The following SEPSECS variants were observed in gnomAD, a reference collection of about 807,000 sequenced individuals.
SEPSECS encodes the protein O-phosphoseryl-tRNA(Sec) selenium transferase.
Under a neutral mutation model 52.1 loss-of-function variants are expected in SEPSECS, and 42 were observed. The ratio of observed to expected loss-of-function variants is 0.81; its 90% CI spans 0.63 to 1.04. The LOEUF is 1.04. Among genes scored for constraint, SEPSECS ranks in the 50% least tolerant of loss-of-function variants. The pLI, the probability that SEPSECS is intolerant of heterozygous loss-of-function variation, is 0.00. For synonymous variants in SEPSECS, 216 were observed against 211.4 expected (o/e 1.02, Z -0.19); for missense variants, 590 against 610.6 (o/e 0.97, Z 0.36).
chr4:25,160,507 A>C, upstream of SEPSECS: 39 of 644,292 alleles, frequency 6.1e-5, no homozygotes, highest in Middle Eastern at 2.6e-4. Context: ...ACAAAACAAA[A>C]CAAAAAAAAC....
intron 9 of SEPSECS, 115 bp from the exon 10 acceptor site, chr4:25,125,899 A>G: frequency 1.4e-6 from 1 of 730,662 alleles, no homozygotes; most frequent in South Asian, 1.5e-5. Context: ...AAGTGGCACA[A>G]TTTCACTTTA....
intron 6 of SEPSECS, among the ~76,000 whole-genome samples, 173 bp from the exon 7 acceptor site, chr4:25,145,306 A>G (rs1168186699): frequency 6.6e-6 from 1 of 152,230 alleles, no homozygotes; most frequent in Non-Finnish European, 1.5e-5. Context: ...CACTGTAAAT[A>G]TATACAATTT....
At chr4:25,129,648 C>T (rs1166798876) in intron 8 of SEPSECS, among the ~76,000 whole-genome samples, 2 of 151,906 alleles carry the variant, frequency 1.3e-5, no homozygotes, top group African/African-American at 4.8e-5. Flanking sequence ...GCCTCGGCCT[C>T]CCAAAGTGCT....
At position 25,143,474 on chromosome 4, in the gene SEPSECS, T is replaced by C. The variant is rs148698619; in HGVS notation, c.1026+1300A>G. Reference sequence around the variant, plus strand: ...TGAGTCTGACTTCTTTCATTTAGCATAATGCATTTGAGAGTCATTATCTTG... The same window carrying C: ...TGAGTCTGACTTCTTTCATTTAGCACAATGCATTTGAGAGTCATTATCTTG... On this transcript the variant is annotated intron_variant, in intron 8 of 10. Transcript: ENST00000382103. Among the ~76,000 whole-genome samples the C allele has an allele frequency of 4.1e-3, 629 of 152,364 alleles. 2 individuals are homozygous for C. Among genetic ancestry groups the C allele is most frequent in the Admixed American group, 6.7e-3 (102 of 15,310 alleles).
intron 6 of SEPSECS, among the ~76,000 whole-genome samples, chr4:25,150,042 C>T (rs1712207378): frequency 6.6e-6 from 1 of 152,164 alleles, no homozygotes; most frequent in Admixed American, 6.6e-5. Flanking sequence ...CAATGACATC[C>T]TAACTGATAC....
Position 25,158,986 on chromosome 4 carries a change from A to T in SEPSECS, c.236T>A (p.Val79Glu). ...NCGVGEREGRVASALVARRHY... is the reference protein window; with the variant it reads ...NCGVGEREGREASALVARRHY... ...ACGACGAGCAACCAGTGCGGATGCC[A>T]CTCTCCCTTCCCTTTCTCCCACACC... is the stretch of plus-strand genomic sequence containing the variant. Residue 79 changes from valine (V) to glutamate (E), a missense_variant, in exon 2 of 11, where the codon GTG becomes GAG. Coordinates refer to ENST00000382103, the MANE Select transcript of SEPSECS (RefSeq NM_016955.4). The T allele has an allele frequency of 6.2e-7, 1 of 1,613,574 alleles. No homozygotes were observed. Among genetic ancestry groups the T allele is most frequent in the Non-Finnish European group, 8.5e-7 (1 of 1,179,744 alleles).
chr4:25,148,214 A>G (rs1022207551), intron 6 of SEPSECS, among the ~76,000 whole-genome samples: 2 of 152,056 alleles, frequency 1.3e-5, no homozygotes, highest in Admixed American at 6.5e-5. Context: ...TTAGCCAGGC[A>G]TGGTGGTGGG....
chr4:25,139,176 T>C (rs758945159), intron 8 of SEPSECS, among the ~76,000 whole-genome samples: 1 of 152,186 alleles, frequency 6.6e-6, no homozygotes, highest in Non-Finnish European at 1.5e-5. Context: ...AACTATTTAA[T>C]ATCTAGATTT....
At chr4:25,150,453 A>G (rs1464529234) in intron 6 of SEPSECS, among the ~76,000 whole-genome samples, 1 of 152,210 alleles carries the variant, frequency 6.6e-6, no homozygotes, top group Admixed American at 6.5e-5. Context: ...TTCTACCCCA[A>G]CAGAACCTTA....
chr4:25,156,473 G>A (rs1712642770), intron 3 of SEPSECS, among the ~76,000 whole-genome samples: 1 of 151,850 alleles, frequency 6.6e-6, no homozygotes, highest in African/African-American at 2.4e-5. Context: ...GGGAGGCCAA[G>A]GCGGGCGGAT....
Position 25,160,255 on chromosome 4 carries a change from CCT to C in SEPSECS, c.113_114del (p.Lys38ArgfsTer10). 1 of 1,554,456 alleles carries C rather than the reference CCT, an allele frequency of 6.4e-7. No homozygotes were observed. ...HEHLIRLLLEKGKCPENGWDE... is the reference protein window; with the variant it reads ...HEHLIRLLLEXGKCPENGWDE... ...TGGGGAGGGGACCGACAGCTCGGTACCTTCTCCAGAAGCAGCCGTATGAGGTG... is the reference window on the plus strand; with the variant it reads ...TGGGGAGGGGACCGACAGCTCGGTACTCTCCAGAAGCAGCCGTATGAGGTG... On this transcript the variant is annotated frameshift_variant and splice_region_variant, in exon 1 of 11. Coordinates refer to ENST00000382103, the MANE Select transcript of SEPSECS (RefSeq NM_016955.4). LOFTEE classifies it high-confidence loss of function.
Position 25,156,911 on chromosome 4 carries a change from A to G in SEPSECS, c.333T>C (p.Ser111=). 1 of 1,613,496 alleles carries G rather than the reference A, an allele frequency of 6.2e-7. No homozygotes were observed. Among genetic ancestry groups the G allele is most frequent in the South Asian group, 1.1e-5 (1 of 91,072 alleles). ...AATTGGTAATTTTGTTCAAAAGGCTAGAGCCTGCAGCTTTTGGTTGCACAG... is the reference window on the plus strand; with the variant it reads ...AATTGGTAATTTTGTTCAAAAGGCTGGAGCCTGCAGCTTTTGGTTGCACAG... ...ISAVQPKAAG[S]SLLNKITNSL... is the part of the protein sequence containing the mutation. Residue 111 remains serine, a synonymous_variant, in exon 3 of 11, where the codon TCT becomes TCC. Transcript: ENST00000382103.
At chr4:25,130,910 A>T (rs553097121) in intron 8 of SEPSECS, among the ~76,000 whole-genome samples, 13 of 152,336 alleles carry the variant, frequency 8.5e-5, no homozygotes, top group African/African-American at 2.6e-4. Flanking sequence ...AAAGAAATTT[A>T]TAAGCAACCC....
rs1359024107 is a variant in SEPSECS at position 25,159,110 on chromosome 4, T to C, written c.115-3A>G. The stretch of plus-strand genomic sequence containing the variant: ...CAGCCATTCTCTGGACACTTGCCCT[T>C]AAAAAAAAAAAAAAACTTATGATTA... On this transcript the variant is annotated splice_region_variant and splice_polypyrimidine_tract_variant and intron_variant, in intron 1 of 10. Coordinates refer to ENST00000382103, the MANE Select transcript of SEPSECS (RefSeq NM_016955.4). 4 of 1,461,984 alleles carry C rather than the reference T, an allele frequency of 2.7e-6. No homozygotes were observed. The highest frequency in any genetic ancestry group is 3.7e-6 in the Non-Finnish European group (4 of 1,086,968). The allele number at this position is 1,461,984 out of a possible 1,614,324, so 90.6% of individuals were successfully genotyped here.
Position 25,156,257 on chromosome 4 carries a change from G to A in SEPSECS, c.389-62C>T. The A allele has an allele frequency of 2.1e-6, 3 of 1,411,830 alleles. No individual in the cohort carries two copies. The Admixed American group carries it at 5.0e-5, about 24-fold the overall frequency. 87.5% of individuals were successfully genotyped at this position (1,411,830 alleles called of 1,614,324 possible). Reference sequence around the variant, plus strand: ...GCTAAGCACCCAGCATCCTTCTTGAGGAAATAATATATTTCATATATAAAA... The same window carrying A: ...GCTAAGCACCCAGCATCCTTCTTGAAGAAATAATATATTTCATATATAAAA... On this transcript the variant is annotated intron_variant, in intron 3 of 10. Coordinates refer to ENST00000382103, the MANE Select transcript of SEPSECS (RefSeq NM_016955.4).
chr4:25,133,866 C>A (rs1441386424), intron 8 of SEPSECS, among the ~76,000 whole-genome samples: 1 of 151,852 alleles, frequency 6.6e-6, no homozygotes, highest in African/African-American at 2.4e-5. Context: ...TGTATCCCAG[C>A]ACTCTGGGAG....
intron 3 of SEPSECS, among the ~76,000 whole-genome samples, chr4:25,156,606 G>A (rs111226506): frequency 2.0e-5 from 3 of 149,448 alleles, no homozygotes; most frequent in Non-Finnish European, 3.0e-5. Flanking sequence ...TGCTCGGGAG[G>A]CTGAGGCAGG....
At chr4:25,159,529 T>G (rs1712915371) in intron 1 of SEPSECS, 1 of 424,124 alleles carries the variant, frequency 2.4e-6, no homozygotes, top group African/African-American at 2.1e-5. Flanking sequence ...CCGAGCACTT[T>G]GGAAGGCCAA....
chr4:25,159,912 T>C, intron 1 of SEPSECS: 7 of 1,190,838 alleles, frequency 5.9e-6, no homozygotes, highest in Non-Finnish European at 7.4e-6. Context: ...TTCTGAGTCG[T>C]TGAGGGTTGG....
Sources: allele counts gnomAD v4.1 joint callset (sites outside exome capture counted in the v4.1 genomes callset), GRCh38; gene constraint gnomAD v4.1.1; transcripts MANE v1.5; gene names NCBI Gene and HGNC (gene_info 2026-07-23, HGNC 2026-07-21).